DAPK2: variants seen among roughly 807,000 people sequenced by gnomAD.
The protein encoded by DAPK2 is death associated protein kinase 2.
Under a neutral mutation model 44.1 loss-of-function variants are expected in DAPK2, and 35 were observed. The ratio of observed to expected loss-of-function variants is 0.79; its 90% CI spans 0.61 to 1.05. The LOEUF is 1.05. Among genes scored for constraint, DAPK2 ranks in the 50% least tolerant of loss-of-function variants. DAPK2 has a pLI of 0.00. For missense variants in DAPK2, 453 were observed against 483.2 expected, an observed-to-expected ratio of 0.94 and a Z score of 0.59; for synonymous variants, 174 against 182.6, an observed-to-expected ratio of 0.95 and a Z score of 0.38.
chr15:64,008,156 AT>A (rs1297164533), intron 1 of DAPK2, among the ~76,000 whole-genome samples: 2 of 152,188 alleles, frequency 1.3e-5, no homozygotes, highest in African/African-American at 4.8e-5. Context: ...CTATATGCGA[AT>A]GTACTAATGG....
rs1034387077 is a variant in DAPK2 at position 64,020,912 on chromosome 15, A to T, written c.92+19258T>A. Among the ~76,000 whole-genome samples the T allele has an allele frequency of 2.6e-5, 4 of 152,344 alleles. No individual in the cohort carries two copies. The highest frequency in any genetic ancestry group is 2.6e-4 in the Admixed American group (4 of 15,300). ...ACTTCTGCCACCAAAATGCCTTGTG[A>T]CCCAGAGACAGAAAGTGCCTTGCCC... On this transcript the variant is annotated intron_variant, in intron 1 of 10. Transcript: ENST00000261891. This position sits in a 1 kb window ranked among gnomAD's most constrained non-coding sequence, Gnocchi z 4.5.
rs75932733 is a variant in DAPK2 at position 64,023,009 on chromosome 15, A to G, written c.92+17161T>C. Among the ~76,000 whole-genome samples the G allele has an allele frequency of 5.8e-3, 888 of 152,268 alleles. 5 individuals are homozygous for G. The highest frequency in any genetic ancestry group is 9.8e-3 in the Non-Finnish European group (666 of 68,028). Reference sequence around the variant, plus strand: ...TTCTGGCAAAAGTGCTAGGAGACTCACTGTAGGTACCAGTATACAATCCTC... The same window carrying G: ...TTCTGGCAAAAGTGCTAGGAGACTCGCTGTAGGTACCAGTATACAATCCTC... On this transcript the variant is annotated intron_variant, in intron 1 of 10. Transcript: ENST00000261891.
At chr15:63,959,939 C>T (rs1156256520) in intron 3 of DAPK2, among the ~76,000 whole-genome samples, 1 of 152,162 alleles carries the variant, frequency 6.6e-6, no homozygotes, top group Non-Finnish European at 1.5e-5. Flanking sequence ...GTACCAGCTC[C>T]TCTTTGTACC....
chr15:64,030,699 C>G (rs2079986029), intron 1 of DAPK2, among the ~76,000 whole-genome samples: 1 of 151,984 alleles, frequency 6.6e-6, no homozygotes, highest in Non-Finnish European at 1.5e-5. Flanking sequence ...GAAGAATCTC[C>G]TGGATTGATT....
chr15:64,030,279 A>C (rs2079974515), intron 1 of DAPK2, among the ~76,000 whole-genome samples: 1 of 151,780 alleles, frequency 6.6e-6, no homozygotes, highest in Admixed American at 6.6e-5. Context: ...CAGAGCAAAA[A>C]TCCATCTCAA....
At chr15:63,976,019 A>C (rs1159822888) in intron 2 of DAPK2, among the ~76,000 whole-genome samples, 1 of 152,248 alleles carries the variant, frequency 6.6e-6, no homozygotes, top group East Asian at 1.9e-4. Flanking sequence ...CATTTCCAGA[A>C]GCACACCTGG....
At chr15:64,034,298 C>T (rs559160022) in intron 1 of DAPK2, among the ~76,000 whole-genome samples, 1 of 152,270 alleles carries the variant, frequency 6.6e-6, no homozygotes, top group Non-Finnish European at 1.5e-5. Flanking sequence ...GCTGAATGTG[C>T]GGTGGCTGAT....
intron 2 of DAPK2, among the ~76,000 whole-genome samples, chr15:63,974,458 TA>T (rs1292744133): frequency 1.3e-5 from 2 of 152,122 alleles, no homozygotes; most frequent in Non-Finnish European, 2.9e-5. Context: ...AAGGTGAGGA[TA>T]GGGGGTTGGG....
intron 1 of DAPK2, among the ~76,000 whole-genome samples, chr15:64,039,458 T>A (rs1032496883): frequency 5.9e-5 from 9 of 152,056 alleles, no homozygotes; most frequent in African/African-American, 2.2e-4. Context: ...AAAAGGAGAG[T>A]AAAAATAATG....
intron 1 of DAPK2, among the ~76,000 whole-genome samples, chr15:63,987,079 A>T: frequency 6.6e-6 from 1 of 152,212 alleles, no homozygotes; most frequent in East Asian, 1.9e-4. Flanking sequence ...CTGTGTTATG[A>T]ATATGCAAAT....
rs2077244760 is a variant in DAPK2 at position 63,939,305 on chromosome 15, A to G, written c.510T>C (p.Ile170=). 3 of 1,614,116 alleles carry G rather than the reference A, an allele frequency of 1.9e-6. No homozygotes were observed. The highest frequency in any genetic ancestry group is 2.5e-6 in the Non-Finnish European group (3 of 1,180,020). ...CTATTTCGTGAGCCAGACCAAAGTC[A>G]ATCAGCTTGATGTGTGGAATGGGAA... Residue 170 remains isoleucine (I), a synonymous_variant, in exon 4 of 11, where the codon ATT becomes ATC. Transcript: ENST00000261891. This position sits in a 1 kb window ranked among gnomAD's most constrained non-coding sequence, Gnocchi z 4.3.
chr15:63,947,282 A>C (rs1449268061), intron 3 of DAPK2, among the ~76,000 whole-genome samples: 1 of 152,120 alleles, frequency 6.6e-6, no homozygotes, highest in East Asian at 1.9e-4. Context: ...TCTGGCAGAG[A>C]ATCAGCTGCA....
intron 1 of DAPK2, among the ~76,000 whole-genome samples, chr15:64,033,246 A>G (rs2080069058): frequency 1.0e-5 from 1 of 100,354 alleles, no homozygotes; most frequent in African/African-American, 4.2e-5. Flanking sequence ...AGTAACAGAG[A>G]GACCCCTGGG....
At chr15:63,937,198 A>G (rs1411795270) in intron 4 of DAPK2, among the ~76,000 whole-genome samples, 2 of 152,154 alleles carry the variant, frequency 1.3e-5, no homozygotes, top group Non-Finnish European at 2.9e-5. Flanking sequence ...TGGAGAAGTC[A>G]TCTTATATAT....
chr15:63,931,556 C>T (rs542363787), intron 4 of DAPK2, among the ~76,000 whole-genome samples: 3 of 152,232 alleles, frequency 2.0e-5, no homozygotes, highest in African/African-American at 7.2e-5. Flanking sequence ...AAAGAGGGTA[C>T]CTCCCACCTG....
intron 1 of DAPK2, among the ~76,000 whole-genome samples, chr15:64,009,425 T>C (rs992015774): frequency 6.6e-6 from 1 of 152,066 alleles, no homozygotes; most frequent in African/African-American, 2.4e-5. Flanking sequence ...ATTTTCTCCT[T>C]CCCATCAAGC....
At chr15:63,946,066 T>A (rs1055066565) in intron 3 of DAPK2, among the ~76,000 whole-genome samples, 2 of 152,082 alleles carry the variant, frequency 1.3e-5, no homozygotes, top group Non-Finnish European at 2.9e-5. Flanking sequence ...GAGGGAGGGG[T>A]CACATTCCCA....
intron 2 of DAPK2, 121 bp from the exon 4 acceptor site, chr15:63,971,682 C>T (rs758173835): frequency 3.7e-6 from 4 of 1,079,630 alleles, no homozygotes; most frequent in African/African-American, 3.1e-5. Flanking sequence ...TGGCAGAATC[C>T]CCCTGGCTTA....
chr15:63,964,536 A>G (rs112912983), intron 3 of DAPK2, among the ~76,000 whole-genome samples: 2,783 of 152,196 alleles, frequency 0.018, 79 homozygotes, highest in African/African-American at 0.063. Flanking sequence ...CTTTGAATAA[A>G]CTTTCTACCT....
Sources: gnomAD v4.1 joint callset for allele counts (sites outside exome capture counted in the v4.1 genomes callset) on GRCh38, gnomAD v4.1.1 for gene constraint, Gnocchi (gnomAD v3.1) non-coding constraint, MANE v1.5 for transcripts, NCBI Gene and HGNC (gene_info 2026-07-23, HGNC 2026-07-21) for gene names.